The following LEKR1 variants were observed in gnomAD, a reference collection of about 807,000 sequenced individuals.
LEKR1 encodes protein LEKR1.
In LEKR1, 59 loss-of-function variants were observed where a neutral mutation model predicts 72.4. That is an observed-to-expected ratio of 0.82 (90% CI 0.66 to 1.01). The LOEUF (loss-of-function observed/expected upper bound fraction) is 1.01. Ranked by LOEUF, LEKR1 falls within the 50% of genes least tolerant of loss-of-function variation. The probability of loss-of-function intolerance (pLI) is 0.00; values close to 1 mark genes in which losing one functional copy is unlikely to be tolerated. For missense variants in LEKR1, 728 were observed against 759.2 expected (o/e 0.96, Z 0.48); for synonymous variants, 257 against 263.2 (o/e 0.98, Z 0.23).
Position 156,920,600 on chromosome 3 carries a change from A to G in LEKR1, c.289A>G (p.Lys97Glu). Reference sequence around the variant, plus strand: ...AATTTACGATGTAGGCATGCAGTTAAAAAGTCAACAAAATGAATTTCAGAA... The same window carrying G: ...AATTTACGATGTAGGCATGCAGTTAGAAAGTCAACAAAATGAATTTCAGAA... ...ERIYDVGMQLKSQQNEFQKVK... is the reference protein window; with the variant it reads ...ERIYDVGMQLESQQNEFQKVK... The change falls in exon 4 of 13, where the codon AAA becomes GAA. Residue 97 changes from lysine (K) to glutamate (E), a missense_variant. Transcript: ENST00000356539. The G allele has an allele frequency of 1.4e-6, 2 of 1,470,116 alleles. No homozygotes were observed. Among genetic ancestry groups the G allele is most frequent in the Non-Finnish European group, 1.8e-6 (2 of 1,093,928 alleles). 91.1% of individuals were successfully genotyped at this position (1,470,116 alleles called of 1,614,324 possible). A position where few individuals can be genotyped will look rare whatever the true frequency, so the allele number is the denominator to read the frequency against.
At chr3:156,966,131 A>T (rs1728553823) in intron 6 of LEKR1, among the ~76,000 whole-genome samples, 1 of 152,166 alleles carries the variant, frequency 6.6e-6, no homozygotes. Context: ...AATAAATAAA[A>T]TAAATAGTGA....
Position 156,829,360 on chromosome 3 carries a change from C to A in LEKR1, c.31C>A (p.Pro11Thr). The change falls in exon 2 of 13, where the codon CCT becomes ACT. Residue 11 changes from proline (P) to threonine (T), a missense_variant. Transcript: ENST00000356539. MDHHIPMHALPEEIQKMLPEE... is the reference protein window; with the variant it reads MDHHIPMHALTEEIQKMLPEE... ...TCATCACATTCCCATGCATGCGTTGCCTGAAGAAATCCAAAAGGTATGATA... is the reference window on the plus strand; with the variant it reads ...TCATCACATTCCCATGCATGCGTTGACTGAAGAAATCCAAAAGGTATGATA... 6.5e-7 allele frequency: 1 copy of A among 1,533,804 alleles called. No individual in the cohort carries two copies. Among genetic ancestry groups the A allele is most frequent in the African/African-American group, 1.4e-5 (1 of 72,980 alleles).
intron 3 of LEKR1, among the ~76,000 whole-genome samples, chr3:156,859,342 CCTT>C (rs1389392089): frequency 1.3e-5 from 2 of 152,026 alleles, no homozygotes; most frequent in Non-Finnish European, 2.9e-5. Context: ...TATAGAATAT[CCTT>C]CTTGACCTTA....
At chr3:156,898,565 A>G (rs897340307) in intron 3 of LEKR1, among the ~76,000 whole-genome samples, 60 of 152,276 alleles carry the variant, frequency 3.9e-4, no homozygotes, top group African/African-American at 1.4e-3. Context: ...GAACTGTGAG[A>G]AATTTCTGTT....
At chr3:156,934,790 ACTTT>A (rs1245974601) in intron 5 of LEKR1, among the ~76,000 whole-genome samples, 4 of 151,986 alleles carry the variant, frequency 2.6e-5, no homozygotes, top group African/African-American at 7.2e-5. Context: ...AGCTTTCTAA[ACTTT>A]CTTTCTGTGC....
intron 2 of LEKR1, 147 bp downstream of exon 2, chr3:156,829,524 T>G (rs1712087160): frequency 1.8e-6 from 1 of 553,770 alleles, no homozygotes; most frequent in African/African-American, 1.9e-5. Flanking sequence ...ATTATCATAA[T>G]GAGCAGAATT....
At chr3:157,009,328 G>A (rs1050205154) in intron 9 of LEKR1, among the ~76,000 whole-genome samples, 1 of 152,068 alleles carries the variant, frequency 6.6e-6, no homozygotes, top group Non-Finnish European at 1.5e-5. Flanking sequence ...AAATTGGTAT[G>A]TATTCTACAT....
Position 156,927,461 on chromosome 3 carries a change from A to G in LEKR1, c.416A>G (p.Asn139Ser). 1 of 1,159,304 alleles carries G rather than the reference A, an allele frequency of 8.6e-7. No homozygotes were observed. Among genetic ancestry groups the G allele is most frequent in the South Asian group, 1.6e-5 (1 of 63,038 alleles). The allele number at this position is 1,159,304 out of a possible 1,614,324, so 71.8% of individuals were successfully genotyped here. ...TTGTCAGAGTACAAATATTTCTGGA[A>G]TAAGACTCTTTCATTACTTACTTTT... is the stretch of plus-strand genomic sequence containing the variant. ...QRLSEYKYFWNKTLSLLTFTK... is the reference protein window; with the variant it reads ...QRLSEYKYFWSKTLSLLTFTK... The change falls in exon 5 of 13, where the codon AAT (asparagine) becomes AGT (serine). Residue 139 changes from asparagine to serine, a missense_variant. Transcript: ENST00000356539.
intron 3 of LEKR1, among the ~76,000 whole-genome samples, chr3:156,910,842 G>T (rs1048974727): frequency 6.6e-6 from 1 of 151,988 alleles, no homozygotes; most frequent in Non-Finnish European, 1.5e-5. Flanking sequence ...TTTTCCTTTG[G>T]GTATATACCC....
Position 156,984,373 on chromosome 3 carries a change from G to A in LEKR1, c.827+5098G>A, listed in dbSNP as rs377717551. Among the ~76,000 whole-genome samples, 3 of 152,166 alleles carry A rather than the reference G, an allele frequency of 2.0e-5. No individual in the cohort carries two copies. The East Asian group carries it at 5.8e-4, about 29-fold the overall frequency. ...TCTGTCACTAAGAATATGTCTAAGT[G>A]ATTATGTAAAATATGTTTTCTGGCC... On this transcript the variant is annotated intron_variant, in intron 7 of 12. Transcript: ENST00000356539.
At chr3:157,000,742 TA>T (rs1731941664) in intron 9 of LEKR1, among the ~76,000 whole-genome samples, 2 of 152,356 alleles carry the variant, frequency 1.3e-5, no homozygotes, top group African/African-American at 4.8e-5. Context: ...CATACAGTTG[TA>T]AAGATTAATC....
At chr3:156,829,413 G>A in intron 2 of LEKR1, 36 bp downstream of exon 2, 2 of 1,432,224 alleles carry the variant, frequency 1.4e-6, no homozygotes, top group East Asian at 2.6e-5. Context: ...CTAACAGTGG[G>A]AACATGTAGC....
chr3:156,989,910 C>G (rs1309202441), intron 7 of LEKR1, among the ~76,000 whole-genome samples: 1 of 152,018 alleles, frequency 6.6e-6, no homozygotes, highest in Non-Finnish European at 1.5e-5. Flanking sequence ...AGCCCTTTAC[C>G]TCTAGATACT....
Position 157,028,244 on chromosome 3 carries a change from G to T in LEKR1, c.1510G>T (p.Val504Phe). The T allele has an allele frequency of 1.2e-6, 2 of 1,613,570 alleles. No homozygotes were observed. ...AGAAATTGAAAATCTTAAAAATTTG[G>T]TTGCAGAATTTGAATCTCGCTTGAA... ...EKEIENLKNL[V>F]AEFESRLKKE... The change falls in exon 12 of 13, where the codon GTT (valine) becomes TTT (phenylalanine). Residue 504 changes from valine (V) to phenylalanine (F), a missense_variant. Physicochemically the swap from Val to Phe is conservative, Grantham distance 50. Coordinates refer to ENST00000356539, the MANE Select transcript of LEKR1 (RefSeq NM_001004316.3).
intron 6 of LEKR1, among the ~76,000 whole-genome samples, chr3:156,943,010 C>T (rs1396170535): frequency 6.6e-6 from 1 of 151,904 alleles, no homozygotes; most frequent in South Asian, 2.1e-4. Context: ...TATCTGTGCT[C>T]TTCTATGTTT....
intron 10 of LEKR1, among the ~76,000 whole-genome samples, chr3:157,016,283 A>C (rs1017361646): frequency 6.6e-6 from 1 of 152,194 alleles, no homozygotes; most frequent in African/African-American, 2.4e-5. Flanking sequence ...GGAAATTATA[A>C]TCCAGTTGTC....
intron 3 of LEKR1, among the ~76,000 whole-genome samples, chr3:156,871,570 C>A (rs1335485204): frequency 6.6e-6 from 1 of 152,148 alleles, no homozygotes; most frequent in Non-Finnish European, 1.5e-5. Flanking sequence ...TACAGTCCCA[C>A]CAACAGTGTA....
chr3:156,935,423 CAT>C (rs1008391213), intron 5 of LEKR1, among the ~76,000 whole-genome samples: 43 of 152,246 alleles, frequency 2.8e-4, no homozygotes, highest in African/African-American at 5.5e-4. Context: ...GATGTACAAA[CAT>C]GTGCAAATAT....
chr3:157,045,963 T>C lies in LEKR1; in HGVS notation c.*213T>C. On this transcript the variant is annotated 3_prime_UTR_variant, in exon 13 of 13. Transcript: ENST00000356539. ...TTTGATAGAGTAACAGATCATTAAGTTGTTGGTATTCCAGAGGTCCGATTT... is the reference window on the plus strand; with the variant it reads ...TTTGATAGAGTAACAGATCATTAAGCTGTTGGTATTCCAGAGGTCCGATTT... The C allele has an allele frequency of 1.9e-6, 1 of 520,928 alleles. No homozygotes were observed. Among genetic ancestry groups the C allele is most frequent in the South Asian group, 3.3e-5 (1 of 30,386 alleles). The allele number at this position is 520,928 out of a possible 1,614,324, so 32.3% of individuals were successfully genotyped here. A position where few individuals can be genotyped will look rare whatever the true frequency, so the allele number is the denominator to read the frequency against.
Sources: gnomAD v4.1 joint callset for allele counts (sites outside exome capture counted in the v4.1 genomes callset) on GRCh38, gnomAD v4.1.1 for gene constraint, MANE v1.5 for transcripts, NCBI Gene and HGNC (gene_info 2026-07-23, HGNC 2026-07-21) for gene names.